The following SSH2 variants were observed in gnomAD, a reference collection of about 807,000 sequenced individuals.
SSH2 encodes the protein protein phosphatase Slingshot homolog 2.
Under a neutral mutation model 135.2 loss-of-function variants are expected in SSH2, and 37 were observed. The observed-to-expected ratio is 0.27, with a 90% CI of 0.21 to 0.36. The LOEUF (loss-of-function observed/expected upper bound fraction) is 0.36. Among genes scored for constraint, SSH2 ranks in the 10% least tolerant of loss-of-function variants. SSH2 has a pLI of 1.00. For synonymous variants in SSH2, 628 were observed against 646.2 expected (o/e 0.97, Z 0.43); for missense variants, 1,408 against 1,765.3 (o/e 0.80, Z 3.63).
At chr17:29,772,315 G>A (rs982227951) in intron 3 of SSH2, among the ~76,000 whole-genome samples, 1 of 148,990 alleles carries the variant, frequency 6.7e-6, no homozygotes, top group African/African-American at 2.5e-5. Flanking sequence ...GCGTGATCTC[G>A]GCTCACTGCA....
chr17:29,740,576 T>C (rs781435320), intron 3 of SSH2, among the ~76,000 whole-genome samples: 2 of 152,180 alleles, frequency 1.3e-5, no homozygotes, highest in Admixed American at 6.5e-5. Context: ...TCAATACTCA[T>C]ATAGCCTAAA....
intron 4 of SSH2, among the ~76,000 whole-genome samples, chr17:29,701,632 A>G (rs2038987109): frequency 6.6e-6 from 1 of 151,604 alleles, no homozygotes; most frequent in Admixed American, 6.6e-5. Context: ...GTGCAGTGGC[A>G]TGATCTCGGC....
At chr17:29,699,073 A>G (rs2038878259) in intron 4 of SSH2, among the ~76,000 whole-genome samples, 3 of 152,192 alleles carry the variant, frequency 2.0e-5, no homozygotes, top group African/African-American at 4.8e-5. Context: ...ATCATTTCCT[A>G]CTGGGCAACT....
At chr17:29,920,289 T>G (rs2066953533) in intron 1 of SSH2, among the ~76,000 whole-genome samples, 1 of 152,214 alleles carries the variant, frequency 6.6e-6, no homozygotes, top group Non-Finnish European at 1.5e-5. Context: ...AACTGCTCCC[T>G]CTCACTTAAA....
chr17:29,855,913 G>A, intron 1 of SSH2: 2 of 247,174 alleles, frequency 8.1e-6, no homozygotes, highest in Non-Finnish European at 1.6e-5. Context: ...GAAAAGAAGA[G>A]GCGCTAGGTT....
At chr17:29,768,424 T>C (rs867117740) in intron 3 of SSH2, among the ~76,000 whole-genome samples, 3 of 151,620 alleles carry the variant, frequency 2.0e-5, no homozygotes, top group African/African-American at 7.3e-5. Context: ...TCCAAGTAGC[T>C]GGGACTGCAG....
At chr17:29,886,577 T>C (rs2066241600) in intron 1 of SSH2, among the ~76,000 whole-genome samples, 2 of 151,870 alleles carry the variant, frequency 1.3e-5, no homozygotes. Context: ...TGAAACTCTG[T>C]CTCTACTAAA....
At chr17:29,753,672 T>C (rs2041020977) in intron 3 of SSH2, among the ~76,000 whole-genome samples, 2 of 151,548 alleles carry the variant, frequency 1.3e-5, no homozygotes, top group South Asian at 2.1e-4. Flanking sequence ...GGCGGGCACC[T>C]GTAATCCCAG....
chr17:29,843,941 G>C (rs904912048), intron 2 of SSH2, among the ~76,000 whole-genome samples: 5 of 152,152 alleles, frequency 3.3e-5, no homozygotes, highest in Admixed American at 3.3e-4. Context: ...CTGAGACACT[G>C]TCCTTCCCTA....
intron 5 of SSH2, among the ~76,000 whole-genome samples, chr17:29,688,743 G>A (rs2038339033): frequency 6.6e-6 from 1 of 152,140 alleles, no homozygotes; most frequent in Non-Finnish European, 1.5e-5. Flanking sequence ...TTGATCACAG[G>A]CCTCTAGACA....
chr17:29,858,605 G>T (rs1161172469), intron 1 of SSH2, among the ~76,000 whole-genome samples: 1 of 152,162 alleles, frequency 6.6e-6, no homozygotes, highest in East Asian at 1.9e-4. Flanking sequence ...AGGGCCACAT[G>T]TAGTGGCTCA....
At chr17:29,656,323 C>T (rs1379230119) in intron 11 of SSH2, among the ~76,000 whole-genome samples, 8 of 152,090 alleles carry the variant, frequency 5.3e-5, no homozygotes, top group African/African-American at 7.2e-5. Context: ...ATTACAGGTG[C>T]GCGCCACCAT....
intron 6 of SSH2, among the ~76,000 whole-genome samples, chr17:29,681,406 C>T (rs554785233): frequency 1.3e-4 from 19 of 145,512 alleles, no homozygotes; most frequent in African/African-American, 3.1e-4. Context: ...GAATAAGGCA[C>T]GCTTGGTATT....
chr17:29,811,571 G>GC (rs2042442295), intron 2 of SSH2, among the ~76,000 whole-genome samples: 1 of 149,298 alleles, frequency 6.7e-6, no homozygotes, highest in African/African-American at 2.5e-5. Flanking sequence ...TGAACCACAA[G>GC]TTTTTTTTTT....
intron 1 of SSH2, among the ~76,000 whole-genome samples, chr17:29,902,742 C>G (rs538224779): frequency 6.6e-6 from 1 of 152,156 alleles, no homozygotes; most frequent in South Asian, 2.1e-4. Flanking sequence ...ACACCCTTGC[C>G]TTCTTTAGCT....
chr17:29,727,044 T>C (rs141796982), intron 3 of SSH2, among the ~76,000 whole-genome samples: 142 of 152,356 alleles, frequency 9.3e-4, no homozygotes, highest in Middle Eastern at 3.4e-3. Flanking sequence ...GTCTATATCA[T>C]TTCCTGCCAG....
intron 3 of SSH2, among the ~76,000 whole-genome samples, chr17:29,773,508 C>G (rs1229715724): frequency 2.6e-5 from 4 of 152,178 alleles, no homozygotes; most frequent in African/African-American, 7.2e-5. Context: ...CAATATTCTA[C>G]AAATAATACT....
At chr17:29,689,131 C>T (rs917449525) in intron 5 of SSH2, among the ~76,000 whole-genome samples, 2 of 150,618 alleles carry the variant, frequency 1.3e-5, no homozygotes, top group South Asian at 4.2e-4. Context: ...CCACTCCAGC[C>T]TGGGCGACAG....
chr17:29,642,251 C>T (rs1246870332), intron 14 of SSH2, among the ~76,000 whole-genome samples: 1 of 152,104 alleles, frequency 6.6e-6, no homozygotes, highest in East Asian at 1.9e-4. Context: ...TCTCCACCAG[C>T]AAAGCCAGGG....
Sources: gnomAD v4.1 joint callset for allele counts (sites outside exome capture counted in the v4.1 genomes callset) on GRCh38, gnomAD v4.1.1 for gene constraint, MANE v1.5 for transcripts, NCBI Gene and HGNC (gene_info 2026-07-23, HGNC 2026-07-21) for gene names.